The following OXCT1 variants were observed in gnomAD, a reference collection of about 807,000 sequenced individuals.
OXCT1 encodes succinyl-CoA:3-ketoacid coenzyme A transferase 1, mitochondrial.
Under a neutral mutation model 69.6 loss-of-function variants are expected in OXCT1, and 27 were observed. The ratio of observed to expected loss-of-function variants is 0.39; its 90% CI spans 0.29 to 0.54. OXCT1 has a LOEUF of 0.54. OXCT1 is among the 20% of genes least tolerant of loss of function. OXCT1 has a pLI of 0.72. For synonymous variants in OXCT1, 202 were observed against 217.8 expected, an observed-to-expected ratio of 0.93 and a Z score of 0.64; for missense variants, 437 against 650.2, an observed-to-expected ratio of 0.67 and a Z score of 3.57.
chr5:41,838,371 T>C (rs1019941176), intron 7 of OXCT1, among the ~76,000 whole-genome samples: 1 of 152,344 alleles, frequency 6.6e-6, no homozygotes, highest in Admixed American at 6.5e-5. Flanking sequence ...GTTTCTACTA[T>C]GTATACTATA....
At chr5:41,735,521 C>T (rs919740631) in intron 16 of OXCT1, among the ~76,000 whole-genome samples, 1 of 152,172 alleles carries the variant, frequency 6.6e-6, no homozygotes, top group Non-Finnish European at 1.5e-5. Flanking sequence ...AATGTGAATA[C>T]ACTTAATATT....
At chr5:41,853,166 A>C (rs1277087099) in intron 4 of OXCT1, among the ~76,000 whole-genome samples, 2 of 152,230 alleles carry the variant, frequency 1.3e-5, no homozygotes, top group Non-Finnish European at 2.9e-5. Context: ...GGCACAATAC[A>C]CATTACAGTG....
At position 41,842,671 on chromosome 5, in the gene OXCT1, A is replaced by G. The variant is rs945442218; in HGVS notation, c.671+4T>C. 2.5e-6 allele frequency: 4 copies of G among 1,600,440 alleles called. No homozygotes were observed. Among genetic ancestry groups the G allele is most frequent in the Non-Finnish European group, 3.4e-6 (4 of 1,167,654 alleles). On this transcript the variant is annotated splice_donor_region_variant and intron_variant, in intron 6 of 16. Transcript: ENST00000196371. The stretch of plus-strand genomic sequence containing the variant: ...CACGAGTGTTTTTAAAACTATCACA[A>G]TACCTGAAAATCACGTTTCCTGCTC...
chr5:41,774,465 T>G (rs1474721067), intron 13 of OXCT1, among the ~76,000 whole-genome samples: 8 of 152,126 alleles, frequency 5.3e-5, no homozygotes, highest in Admixed American at 4.6e-4. Flanking sequence ...ACAAGAAATA[T>G]AAGATGAGCA....
chr5:41,775,061 A>G (rs139245509), intron 13 of OXCT1, among the ~76,000 whole-genome samples: 5 of 152,264 alleles, frequency 3.3e-5, no homozygotes, highest in Admixed American at 6.5e-5. Context: ...AAAATACATA[A>G]TACTTCTTCA....
At chr5:41,811,566 A>C (rs548538314) in intron 7 of OXCT1, among the ~76,000 whole-genome samples, 1 of 152,212 alleles carries the variant, frequency 6.6e-6, no homozygotes, top group Admixed American at 6.5e-5. Flanking sequence ...ATATATTCTT[A>C]GGCTTCATGC....
intron 3 of OXCT1, among the ~76,000 whole-genome samples, chr5:41,855,773 T>C (rs1749400115): frequency 6.6e-6 from 1 of 152,084 alleles, no homozygotes; most frequent in Non-Finnish European, 1.5e-5. Flanking sequence ...GGGAGAGACA[T>C]GCTAAGGGAA....
intron 5 of OXCT1, 103 bp downstream of exon 5, chr5:41,849,927 T>G: frequency 8.4e-7 from 1 of 1,189,944 alleles, no homozygotes; most frequent in Admixed American, 1.7e-5. Flanking sequence ...TGAGTGCTTT[T>G]TCTCACATAG....
intron 2 of OXCT1, 36 bp from the exon 3 acceptor site, chr5:41,861,440 G>C: frequency 8.5e-7 from 1 of 1,172,982 alleles, no homozygotes; most frequent in East Asian, 2.3e-5. Context: ...ATTTGTAAAG[G>C]GGGTAACAAT....
At chr5:41,856,564 T>C (rs1007037955) in intron 3 of OXCT1, among the ~76,000 whole-genome samples, 22 of 152,150 alleles carry the variant, frequency 1.4e-4, no homozygotes, top group African/African-American at 5.3e-4. Context: ...TCCAAACCTC[T>C]TTCCTACCCC....
chr5:41,800,962 C>T (rs1579764512), intron 11 of OXCT1, 60 bp downstream of exon 11: 1 of 1,406,400 alleles, frequency 7.1e-7, no homozygotes, highest in Non-Finnish European at 1.0e-6. Context: ...TGAGTCCAAA[C>T]TCTTATTATG....
intron 5 of OXCT1, among the ~76,000 whole-genome samples, chr5:41,844,313 T>C (rs4050986): frequency 0.38 from 57,108 of 151,964 alleles, 12,977 homozygotes; most frequent in African/African-American, 0.64. Context: ...AAGGAATAAT[T>C]CTTAAAGTTG....
chr5:41,829,666 G>T (rs918535507), intron 7 of OXCT1, among the ~76,000 whole-genome samples: 1 of 152,048 alleles, frequency 6.6e-6, no homozygotes, highest in Non-Finnish European at 1.5e-5. Flanking sequence ...GGTGTAAATG[G>T]TCATTAAGCT....
At chr5:41,869,177 T>C (rs971860105) in intron 1 of OXCT1, among the ~76,000 whole-genome samples, 3 of 152,194 alleles carry the variant, frequency 2.0e-5, no homozygotes, top group Non-Finnish European at 4.4e-5. Context: ...TTCTGAACCA[T>C]TCCCTAGCAC....
In OXCT1 at chr5:41,800,978, C is replaced by T. The variant is rs1561086831; in HGVS notation, c.1099+44G>A. 1.3e-5 allele frequency: 20 copies of T among 1,539,390 alleles called. 1 individual carries two copies. The highest frequency in any genetic ancestry group is 2.3e-5 in the East Asian group (1 of 44,420). On this transcript the variant is annotated intron_variant, in intron 11 of 16. Transcript: ENST00000196371. ...GAGTCCAAACTCTTATTATGTAGCA[C>T]AAAATTAATAGCAAAGGGAAGGGCT... is the stretch of plus-strand genomic sequence containing the variant.
intron 13 of OXCT1, among the ~76,000 whole-genome samples, chr5:41,772,325 A>G (rs926580334): frequency 5.3e-5 from 8 of 151,854 alleles, no homozygotes; most frequent in Admixed American, 4.6e-4. Context: ...ATGTAATTAC[A>G]CCGCCATCAC....
At chr5:41,781,077 A>AT (rs1745377924) in intron 13 of OXCT1, among the ~76,000 whole-genome samples, 2 of 151,740 alleles carry the variant, frequency 1.3e-5, no homozygotes, top group South Asian at 2.1e-4. Context: ...CTGATTTTGT[A>AT]TTTTTTTAGT....
At chr5:41,807,976 T>G (rs184819712) in intron 7 of OXCT1, among the ~76,000 whole-genome samples, 1 of 152,096 alleles carries the variant, frequency 6.6e-6, no homozygotes, top group East Asian at 1.9e-4. Context: ...GCTGAAATAA[T>G]TTACTTAAAG....
intron 13 of OXCT1, among the ~76,000 whole-genome samples, chr5:41,787,627 C>A: frequency 1.8e-5 from 1 of 56,250 alleles, no homozygotes. Flanking sequence ...ATTAAGCAAG[C>A]ATTAGGCAAA....
Sources: allele counts gnomAD v4.1 joint callset (sites outside exome capture counted in the v4.1 genomes callset), GRCh38; gene constraint gnomAD v4.1.1; transcripts MANE v1.5; gene names NCBI Gene and HGNC (gene_info 2026-07-23, HGNC 2026-07-21).